Variants in GPC5 observed in about 807,000 individuals in gnomAD.
GPC5 encodes glypican-5.
Under a neutral mutation model 53.9 loss-of-function variants are expected in GPC5, and 47 were observed. That is an observed-to-expected ratio of 0.87 (90% CI 0.69 to 1.11). GPC5 has a LOEUF of 1.11. Ranked by LOEUF, GPC5 falls within the 50% of genes most tolerant of loss-of-function variation. The pLI, the probability that GPC5 is intolerant of heterozygous loss-of-function variation, is 0.00. For missense variants in GPC5, 748 were observed against 713.1 expected (o/e 1.05, Z -0.56); for synonymous variants, 286 against 263.3 (o/e 1.09, Z -0.84).
chr13:92,166,894 T>C (rs1432828384), intron 7 of GPC5, among the ~76,000 whole-genome samples: 2 of 151,358 alleles, frequency 1.3e-5, no homozygotes, highest in Non-Finnish European at 2.9e-5. Flanking sequence ...CAGTCTGATC[T>C]GTATCCAAAA....
chr13:92,854,046 G>A (rs181419365), intron 7 of GPC5, among the ~76,000 whole-genome samples: 14 of 151,900 alleles, frequency 9.2e-5, no homozygotes, highest in East Asian at 3.9e-4. Context: ...TTGTGTTGTC[G>A]TCAAGGGCTC....
intron 7 of GPC5, chr13:92,180,795 T>G (rs1365309113): frequency 4.3e-6 from 1 of 231,696 alleles, no homozygotes; most frequent in African/African-American, 2.3e-5. Flanking sequence ...TCTTTCAATT[T>G]TCTTGTTAAT....
chr13:91,509,200 A>C (rs975451464), intron 2 of GPC5, among the ~76,000 whole-genome samples: 7 of 151,962 alleles, frequency 4.6e-5, no homozygotes. Context: ...CAGGTATAGT[A>C]GTGAGCACTT....
chr13:91,598,851 T>A (rs1006304225), intron 2 of GPC5, among the ~76,000 whole-genome samples: 1 of 151,840 alleles, frequency 6.6e-6, no homozygotes, highest in African/African-American at 2.4e-5. Flanking sequence ...ATTAACTAAC[T>A]GGAAAGCTAT....
intron 5 of GPC5, among the ~76,000 whole-genome samples, chr13:91,825,140 GAGAGAGAGAGCT>G (rs2038557333): frequency 6.6e-6 from 1 of 151,844 alleles, no homozygotes; most frequent in Non-Finnish European, 1.5e-5. Flanking sequence ...GGGGGAGGGA[GAGAGAGAGAGCT>G]AGAGAGAGAA....
At chr13:92,230,730 A>C (rs2042523864) in intron 7 of GPC5, among the ~76,000 whole-genome samples, 2 of 152,156 alleles carry the variant, frequency 1.3e-5, no homozygotes, top group Non-Finnish European at 1.5e-5. Context: ...TATACTGCCA[A>C]TTATTCCTTT....
chr13:92,151,321 C>G (rs1038424493), intron 7 of GPC5, among the ~76,000 whole-genome samples: 1 of 152,050 alleles, frequency 6.6e-6, no homozygotes, highest in South Asian at 2.1e-4. Context: ...GAGGGTGGAG[C>G]ATTTCTTACC....
Position 92,031,721 on chromosome 13 carries a change from G to GTAATATA in GPC5, c.1402-113107_1402-113101dup, listed in dbSNP as rs1287217356. On this transcript the variant is annotated intron_variant, in intron 6 of 7. Coordinates refer to ENST00000377067, the MANE Select transcript of GPC5 (RefSeq NM_004466.6). ...AATATATTATATATATTACATATAT[G>GTAATATA]TAATATATTACATATTATATATAAT... Among the ~76,000 whole-genome samples, 17 of 10,470 alleles carry GTAATATA rather than the reference G, an allele frequency of 1.6e-3. 4 individuals carry two copies. Among genetic ancestry groups the GTAATATA allele is most frequent in the African/African-American group, 5.0e-3 (17 of 3,390 alleles). 6.9% of individuals were successfully genotyped at this position (10,470 alleles called of 152,430 possible).
intron 7 of GPC5, among the ~76,000 whole-genome samples, chr13:92,844,939 C>T (rs1450222456): frequency 2.6e-5 from 4 of 152,072 alleles, no homozygotes; most frequent in Non-Finnish European, 5.9e-5. Flanking sequence ...GTCCACACTG[C>T]TCACAGATAC....
At chr13:92,207,920 T>C (rs2042348999) in intron 7 of GPC5, among the ~76,000 whole-genome samples, 1 of 152,206 alleles carries the variant, frequency 6.6e-6, no homozygotes, top group African/African-American at 2.4e-5. Context: ...TAGGACCAAT[T>C]TGTAGCTCCC....
intron 7 of GPC5, among the ~76,000 whole-genome samples, chr13:92,474,624 G>C (rs1467964390): frequency 1.3e-5 from 2 of 150,406 alleles, no homozygotes; most frequent in Admixed American, 6.6e-5. Flanking sequence ...AAAATTCCTA[G>C]TTGTGATGGT....
intron 7 of GPC5, among the ~76,000 whole-genome samples, chr13:92,743,006 C>G (rs1040232907): frequency 6.6e-6 from 1 of 152,012 alleles, no homozygotes; most frequent in Non-Finnish European, 1.5e-5. Context: ...AGTTTGAAGT[C>G]AGGTAGGGTG....
intron 7 of GPC5, among the ~76,000 whole-genome samples, chr13:92,442,319 T>C (rs1286222203): frequency 1.3e-5 from 2 of 152,130 alleles, no homozygotes; most frequent in African/African-American, 4.8e-5. Flanking sequence ...CAGGTAGACA[T>C]CCTAGGATTA....
At chr13:92,172,792 A>T (rs975577156) in intron 7 of GPC5, among the ~76,000 whole-genome samples, 1 of 152,120 alleles carries the variant, frequency 6.6e-6, no homozygotes, top group Non-Finnish European at 1.5e-5. Flanking sequence ...GAAATGTGCA[A>T]CATGATATCT....
At chr13:92,571,635 C>A (rs1883025354) in intron 7 of GPC5, among the ~76,000 whole-genome samples, 1 of 151,798 alleles carries the variant, frequency 6.6e-6, no homozygotes. Context: ...GCTTCATGAT[C>A]CTTTTAATTA....
chr13:92,793,582 A>C (rs1378415513), intron 7 of GPC5, among the ~76,000 whole-genome samples: 2 of 152,112 alleles, frequency 1.3e-5, no homozygotes, highest in Non-Finnish European at 2.9e-5. Context: ...TTAAAAAAAC[A>C]ATGAATCCAG....
intron 7 of GPC5, among the ~76,000 whole-genome samples, chr13:92,316,913 C>T (rs962523054): frequency 2.0e-5 from 3 of 152,098 alleles, no homozygotes; most frequent in African/African-American, 7.2e-5. Context: ...GTTCATACTT[C>T]TGAATGTGAA....
chr13:91,592,036 G>A (rs2032818444), intron 2 of GPC5, among the ~76,000 whole-genome samples: 1 of 152,164 alleles, frequency 6.6e-6, no homozygotes, highest in African/African-American at 2.4e-5. Flanking sequence ...CAGAGTTCTT[G>A]CACTAATTGA....
At chr13:91,994,084 A>AT (rs1473275901) in intron 6 of GPC5, among the ~76,000 whole-genome samples, 2 of 152,234 alleles carry the variant, frequency 1.3e-5, no homozygotes, top group Admixed American at 1.3e-4. Context: ...TGAACAGTAT[A>AT]TGCCACTTTG....
Sources: allele counts gnomAD v4.1 joint callset (sites outside exome capture counted in the v4.1 genomes callset), GRCh38; gene constraint gnomAD v4.1.1; transcripts MANE v1.5; gene names NCBI Gene and HGNC (gene_info 2026-07-23, HGNC 2026-07-21).